SGCZ: variants seen among roughly 807,000 people sequenced by gnomAD.
SGCZ encodes the protein zeta-sarcoglycan.
In SGCZ, 40 loss-of-function variants were observed where a neutral mutation model predicts 41.3. That is an observed-to-expected ratio of 0.97 (90% CI 0.75 to 1.26). The LOEUF (loss-of-function observed/expected upper bound fraction) is 1.26. Ranked by LOEUF, SGCZ falls within the 50% of genes most tolerant of loss-of-function variation. SGCZ has a pLI of 0.00. For synonymous variants in SGCZ, 206 were observed against 137.5 expected, an observed-to-expected ratio of 1.50 and a Z score of -3.49; for missense variants, 552 against 369.8, an observed-to-expected ratio of 1.49 and a Z score of -4.04.
intron 2 of SGCZ, among the ~76,000 whole-genome samples, chr8:14,512,860 G>T (rs2117079548): frequency 6.6e-6 from 1 of 152,172 alleles, no homozygotes; most frequent in African/African-American, 2.4e-5. Flanking sequence ...TTTCATTGAA[G>T]ATAAGTCTTC....
intron 1 of SGCZ, among the ~76,000 whole-genome samples, chr8:15,019,747 T>C (rs1030395549): frequency 4.0e-5 from 6 of 151,478 alleles, no homozygotes; most frequent in Non-Finnish European, 5.9e-5. Flanking sequence ...GTGACTCTAA[T>C]GATCTGACTC....
chr8:14,390,193 T>G (rs778539936), intron 2 of SGCZ, among the ~76,000 whole-genome samples: 4 of 152,042 alleles, frequency 2.6e-5, no homozygotes, highest in African/African-American at 4.8e-5. Context: ...AAATTGATGC[T>G]GATTTTTATT....
At chr8:14,624,177 A>T (rs985652014) in intron 1 of SGCZ, among the ~76,000 whole-genome samples, 5 of 152,182 alleles carry the variant, frequency 3.3e-5, no homozygotes, top group Non-Finnish European at 7.3e-5. Flanking sequence ...ATGCAGACAC[A>T]TGTACAGCAA....
At chr8:14,292,400 G>C (rs1214518224) in intron 3 of SGCZ, among the ~76,000 whole-genome samples, 4 of 151,894 alleles carry the variant, frequency 2.6e-5, no homozygotes, top group African/African-American at 9.7e-5. Context: ...TGATGCCTCA[G>C]GTAAAATTTA....
intron 1 of SGCZ, among the ~76,000 whole-genome samples, chr8:14,823,251 A>G (rs1230831767): frequency 1.3e-5 from 2 of 152,022 alleles, no homozygotes; most frequent in African/African-American, 4.8e-5. Flanking sequence ...AAACAAAAAA[A>G]CGTTTTGCAC....
At chr8:15,034,069 C>A (rs1439201837) in intron 1 of SGCZ, among the ~76,000 whole-genome samples, 1 of 149,026 alleles carries the variant, frequency 6.7e-6, no homozygotes, top group Non-Finnish European at 1.5e-5. Flanking sequence ...CAAAAAGACA[C>A]AATAGCACAA....
chr8:14,716,485 A>G (rs990373647), intron 1 of SGCZ, among the ~76,000 whole-genome samples: 1 of 152,066 alleles, frequency 6.6e-6, no homozygotes, highest in Non-Finnish European at 1.5e-5. Context: ...GACCTGCAAA[A>G]CCGAGTTTTG....
intron 3 of SGCZ, among the ~76,000 whole-genome samples, chr8:14,242,281 A>C (rs1039513393): frequency 6.6e-5 from 10 of 152,220 alleles, no homozygotes; most frequent in African/African-American, 2.2e-4. Context: ...ACAAACAGCA[A>C]CCAACATTTA....
chr8:14,460,406 C>G (rs1800868490), intron 2 of SGCZ, among the ~76,000 whole-genome samples: 1 of 152,068 alleles, frequency 6.6e-6, no homozygotes, highest in South Asian at 2.1e-4. Context: ...TTAAATTTAT[C>G]AATATACAAG....
intron 1 of SGCZ, among the ~76,000 whole-genome samples, chr8:14,627,952 T>A (rs920527766): frequency 6.6e-6 from 1 of 152,108 alleles, no homozygotes; most frequent in Non-Finnish European, 1.5e-5. Context: ...TTCAGCTACA[T>A]GTTTGGAGGA....
chr8:14,621,090 C>A (rs1806268635), intron 1 of SGCZ, among the ~76,000 whole-genome samples: 3 of 151,970 alleles, frequency 2.0e-5, no homozygotes, highest in African/African-American at 7.2e-5. Flanking sequence ...ACATATACAC[C>A]ATGGAATACT....
chr8:14,347,418 T>C (rs1471238997), intron 2 of SGCZ, among the ~76,000 whole-genome samples: 1 of 152,088 alleles, frequency 6.6e-6, no homozygotes, highest in Non-Finnish European at 1.5e-5. Flanking sequence ...TGTGATTAAT[T>C]GCATTAGAAA....
intron 5 of SGCZ, among the ~76,000 whole-genome samples, chr8:14,115,522 A>G (rs1464603298): frequency 6.6e-6 from 1 of 152,026 alleles, no homozygotes; most frequent in Non-Finnish European, 1.5e-5. Context: ...CCACCTTTAC[A>G]TAAAGTCTAG....
In SGCZ at chr8:14,838,558, C is replaced by G. The variant is rs113124734; in HGVS notation, c.40-283632G>C. Among the ~76,000 whole-genome samples, 1,386 of 152,168 alleles carry G rather than the reference C, an allele frequency of 9.1e-3. 25 individuals are homozygous for G. The highest frequency in any genetic ancestry group is 0.05 in the South Asian group (239 of 4,818). On this transcript the variant is annotated intron_variant, in intron 1 of 7. Transcript: ENST00000382080. ...GTAGAACCTGTTGGAATTACTCAGA[C>G]TAGGCAATCTGAAGCTGTTTACCTC...
chr8:14,931,477 A>T (rs923210265), intron 1 of SGCZ, among the ~76,000 whole-genome samples: 1 of 152,022 alleles, frequency 6.6e-6, no homozygotes. Flanking sequence ...CATTATTTCA[A>T]TTCTCTCATT....
intron 1 of SGCZ, among the ~76,000 whole-genome samples, chr8:14,727,865 C>A (rs1046204967): frequency 6.6e-6 from 1 of 152,050 alleles, no homozygotes; most frequent in Admixed American, 6.5e-5. Context: ...TGTCCATCAA[C>A]AGAGGAATAA....
rs553153603 is a variant in SGCZ, at chr8:14,981,897, C to T, written c.39+255688G>A. On this transcript the variant is annotated intron_variant, in intron 1 of 7. Transcript: ENST00000382080. The stretch of plus-strand genomic sequence containing the variant: ...GAAGGTGGTGGCTCACACCTGTAAT[C>T]CCAGCACTTTGGGAGGCTGAAGCAG... Among the ~76,000 whole-genome samples the T allele has an allele frequency of 1.9e-4, 29 of 152,244 alleles. No individual in the cohort carries two copies. The South Asian group carries it at 4.8e-3, about 25-fold the overall frequency.
At chr8:15,053,078 A>G (rs1804574928) in intron 1 of SGCZ, among the ~76,000 whole-genome samples, 2 of 152,218 alleles carry the variant, frequency 1.3e-5, no homozygotes, top group South Asian at 4.2e-4. Context: ...CAAGCTCAGT[A>G]ACTGAGCTCC....
intron 1 of SGCZ, among the ~76,000 whole-genome samples, chr8:15,165,505 T>C (rs1483070956): frequency 6.6e-6 from 1 of 152,268 alleles, no homozygotes; most frequent in South Asian, 2.1e-4. Flanking sequence ...TGGCTTTAGA[T>C]TTGATATGGC....
Sources: gnomAD v4.1 joint callset for allele counts (sites outside exome capture counted in the v4.1 genomes callset) on GRCh38, gnomAD v4.1.1 for gene constraint, MANE v1.5 for transcripts, NCBI Gene and HGNC (gene_info 2026-07-23, HGNC 2026-07-21) for gene names.